Variants in MSH5 observed in about 807,000 individuals in gnomAD.
MSH5 encodes mutS homolog 5.
A neutral mutation model predicts 107.7 loss-of-function variants in MSH5; 78 were observed. The ratio of observed to expected loss-of-function variants is 0.72; its 90% CI spans 0.60 to 0.87. The LOEUF (loss-of-function observed/expected upper bound fraction) is 0.87. Ranked by LOEUF, MSH5 falls within the 40% of genes least tolerant of loss-of-function variation. MSH5 has a pLI of 0.00. For missense variants in MSH5, 889 were observed against 1,046.6 expected (o/e 0.85, Z 2.08); for synonymous variants, 326 against 399.5 (o/e 0.82, Z 2.19).
intron 9 of MSH5, 72 bp from the exon 10 acceptor site, chr6:31,747,315 T>TA: frequency 6.5e-7 from 1 of 1,541,636 alleles, no homozygotes. Flanking sequence ...TGCCTCAGCT[T>TA]AGACACATAA....
At chr6:31,746,187 C>G (rs1809449113) in intron 9 of MSH5, 1 of 151,772 alleles carries the variant, frequency 6.6e-6, no homozygotes, top group South Asian at 2.1e-4. Flanking sequence ...ACCTCTGCCT[C>G]CTGGGTTCAA....
At position 31,761,844 on chromosome 6, in the gene MSH5, C is replaced by T. The variant is rs1220354532; in HGVS notation, c.2208C>T (p.Asn736=). The change falls in exon 23 of 25, where the codon AAC becomes AAT. Residue 736 remains asparagine (N), a synonymous_variant. Transcript: ENST00000375750. This position sits in a 1 kb window ranked among gnomAD's most constrained non-coding sequence, Gnocchi z 5.3. Reference sequence around the variant, plus strand: ...CCATGGAGACCTGTGAGGATGGCAACGATCTTGTCTTCTTCTATCAGGTTT... The same window carrying T: ...CCATGGAGACCTGTGAGGATGGCAATGATCTTGTCTTCTTCTATCAGGTTT... ...YLTMETCEDG[N]DLVFFYQVCE... 5.6e-6 allele frequency: 9 copies of T among 1,612,938 alleles called. No homozygotes were observed. Among genetic ancestry groups the T allele is most frequent in the East Asian group, 2.2e-5 (1 of 44,884 alleles).
In MSH5 at chr6:31,762,572, TGGGCTGCCATGC is replaced by T; in HGVS notation, c.*42_*53del. ...CCTCCCCAGCCTCCTGAGACTCCGG[TGGGCTGCCATGC>T]CCTCTTTGTTTCCTTATCTCCCTCA... On this transcript the variant is annotated 3_prime_UTR_variant, in exon 25 of 25. Coordinates refer to ENST00000375750, the MANE Select transcript of MSH5 (RefSeq NM_172166.4). The T allele has an allele frequency of 7.9e-7, 1 of 1,267,376 alleles. No individual in the cohort carries two copies. 78.5% of individuals were successfully genotyped at this position (1,267,376 alleles called of 1,614,324 possible).
At chr6:31,743,813 T>C (rs1809139152) in intron 5 of MSH5, 91 bp from the exon 6 acceptor site, 1 of 1,533,930 alleles carries the variant, frequency 6.5e-7, no homozygotes, top group African/African-American at 1.4e-5. Flanking sequence ...GCAAGTCAAA[T>C]AATCTCTCTT....
chr6:31,760,949 A>G lies in MSH5; in HGVS notation c.1962+110A>G. On this transcript the variant is annotated intron_variant, in intron 20 of 24. Transcript: ENST00000375750. This position sits in a 1 kb window ranked among gnomAD's most constrained non-coding sequence, Gnocchi z 5.6. ...CCCTCTGCTGCATGCCCTTTATACT[A>G]AAAGTGGGGAGCACTAAGGTCAGAG... The G allele has an allele frequency of 1.6e-6, 2 of 1,289,626 alleles. No individual in the cohort carries two copies. The highest frequency in any genetic ancestry group is 2.3e-4 in the Middle Eastern group (1 of 4,378). 79.9% of individuals were successfully genotyped at this position (1,289,626 alleles called of 1,614,324 possible). A position where few individuals can be genotyped will look rare whatever the true frequency, so the allele number is the denominator to read the frequency against.
At position 31,759,073 on chromosome 6, in the gene MSH5, G is replaced by C; in HGVS notation, c.1327-24G>C. On this transcript the variant is annotated intron_variant, in intron 15 of 24. Transcript: ENST00000375750. The surrounding 1 kb of genome is among the most constrained non-coding windows in gnomAD (Gnocchi z 4.7). Reference sequence around the variant, plus strand: ...GTAAGTCTCCAAGCAGGAGAGTAGAGTATCTCCTCTTTACTCTCCCCAGAT... The same window carrying C: ...GTAAGTCTCCAAGCAGGAGAGTAGACTATCTCCTCTTTACTCTCCCCAGAT... The C allele has an allele frequency of 1.3e-6, 2 of 1,598,024 alleles. No homozygotes were observed. The highest frequency in any genetic ancestry group is 1.7e-6 in the Non-Finnish European group (2 of 1,166,462).
rs148141515 is a variant in MSH5 at position 31,759,796 on chromosome 6, G to A, written c.1506G>A (p.Thr502=). 48 of 1,613,006 alleles carry A rather than the reference G, an allele frequency of 3.0e-5. No individual in the cohort carries two copies. The highest frequency in any genetic ancestry group is 9.9e-5 in the South Asian group (9 of 91,088). The change falls in exon 18 of 25, where the codon ACG becomes ACA. Residue 502 remains threonine, a synonymous_variant. Coordinates refer to ENST00000375750, the MANE Select transcript of MSH5 (RefSeq NM_172166.4). This position sits in a 1 kb window ranked among gnomAD's most constrained non-coding sequence, Gnocchi z 4.7. ...DLHCEIRDQE[T]LLMYQLQCQV... ...CTCACCCACTCCCAGACCAGGAGACGCTGCTGATGTACCAGCTACAGTGCC... is the reference window on the plus strand; with the variant it reads ...CTCACCCACTCCCAGACCAGGAGACACTGCTGATGTACCAGCTACAGTGCC...
intron 8 of MSH5, among the ~76,000 whole-genome samples, 197 bp from the exon 9 acceptor site, chr6:31,745,040 G>T (rs2075787): frequency 0.041 from 6,140 of 148,588 alleles, 180 homozygotes; most frequent in East Asian, 0.13. Context: ...GGAGGCAGAG[G>T]TTGCAGTGAG....
chr6:31,752,675 G>T (rs1447266609), intron 10 of MSH5, among the ~76,000 whole-genome samples: 1 of 149,164 alleles, frequency 6.7e-6, no homozygotes, highest in Non-Finnish European at 1.5e-5. Flanking sequence ...AGCCGAGATC[G>T]CATCACTGCA....
Position 31,741,220 on chromosome 6 carries a change from A to G in MSH5, c.205A>G (p.Ser69Gly). Residue 69 changes from serine to glycine, a missense_variant, in exon 3 of 25, where the codon AGT becomes GGT. Transcript: ENST00000375750. Reference sequence around the variant, plus strand: ...CTTGGGCATTGCCTACTATGATACTAGTGACTCCACTATCCACTTCATGCC... The same window carrying G: ...CTTGGGCATTGCCTACTATGATACTGGTGACTCCACTATCCACTTCATGCC... ...GYLGIAYYDT[S>G]DSTIHFMPDA... 6.2e-7 allele frequency: 1 copy of G among 1,612,880 alleles called. No homozygotes were observed. The highest frequency in any genetic ancestry group is 8.5e-7 in the Non-Finnish European group (1 of 1,179,986).
In MSH5 at chr6:31,741,196, T is replaced by C. The variant is rs759260801; in HGVS notation, c.181T>C (p.Leu61=). The part of the protein sequence containing the change: ...HLCVLWNSGY[L]GIAYYDTSDS... ...GTGTGTGCTGTGGAATTCAGGATACTTGGGCATTGCCTACTATGATACTAG... is the reference window on the plus strand; with the variant it reads ...GTGTGTGCTGTGGAATTCAGGATACCTGGGCATTGCCTACTATGATACTAG... Residue 61 remains leucine, a synonymous_variant, in exon 3 of 25, where the codon TTG becomes CTG. Transcript: ENST00000375750. 1 of 1,613,050 alleles carries C rather than the reference T, an allele frequency of 6.2e-7. No individual in the cohort carries two copies.
rs1251752963 is a variant in MSH5, at chr6:31,760,908, A to C, written c.1962+69A>C. The stretch of plus-strand genomic sequence containing the variant: ...GGGAAAGGAACCCCTGAAAATGCTC[A>C]TAACAGGAAAGCATGCCCTCTGCTG... On this transcript the variant is annotated intron_variant, in intron 20 of 24. Transcript: ENST00000375750. The surrounding 1 kb of genome is among the most constrained non-coding windows in gnomAD (Gnocchi z 5.6). 2.0e-5 allele frequency: 31 copies of C among 1,530,416 alleles called. No individual in the cohort carries two copies. The highest frequency in any genetic ancestry group is 2.7e-5 in the Non-Finnish European group (31 of 1,128,308). 94.8% of individuals were successfully genotyped at this position (1,530,416 alleles called of 1,614,324 possible).
Position 31,758,486 on chromosome 6 carries a change from A to G in MSH5, c.1144-62A>G. ...GGACTGCAGGGAGAATTGGGGCCCA[A>G]GGAGAGCTGAGGAACAGGACAGAGG... is the stretch of plus-strand genomic sequence containing the variant. On this transcript the variant is annotated intron_variant, in intron 13 of 24. Coordinates refer to ENST00000375750, the MANE Select transcript of MSH5 (RefSeq NM_172166.4). The surrounding 1 kb of genome is among the most constrained non-coding windows in gnomAD (Gnocchi z 5.1). The G allele has an allele frequency of 2.5e-6, 4 of 1,596,996 alleles. No homozygotes were observed. The highest frequency in any genetic ancestry group is 1.1e-5 in the South Asian group (1 of 90,532).
intron 3 of MSH5, among the ~76,000 whole-genome samples, chr6:31,742,638 G>A (rs1449186529): frequency 6.6e-6 from 1 of 152,136 alleles, no homozygotes; most frequent in Non-Finnish European, 1.5e-5. Flanking sequence ...TGTTCTCCAG[G>A]GGTTTACAGC....
In MSH5 at chr6:31,745,276, G is replaced by A. The variant is rs1809327468; in HGVS notation, c.723G>A (p.Val241=). Residue 241 remains valine (V), a synonymous_variant, in exon 9 of 25, where the codon GTG becomes GTA. Coordinates refer to ENST00000375750, the MANE Select transcript of MSH5 (RefSeq NM_172166.4). The part of the protein sequence containing the change: ...QIFKSESHPS[V]YKVASGLKEG... Reference sequence around the variant, plus strand: ...TTAAGAGTGAGTCTCACCCCTCAGTGTACAAAGTGGCCAGTGGACTGAAGG... The same window carrying A: ...TTAAGAGTGAGTCTCACCCCTCAGTATACAAAGTGGCCAGTGGACTGAAGG... 1 of 1,613,712 alleles carries A rather than the reference G, an allele frequency of 6.2e-7. No homozygotes were observed. Among genetic ancestry groups the A allele is most frequent in the South Asian group, 1.1e-5 (1 of 91,068 alleles).
chr6:31,744,456 A>T (rs1226387416), intron 7 of MSH5, 90 bp from the exon 8 acceptor site: 1 of 1,562,722 alleles, frequency 6.4e-7, no homozygotes, highest in Non-Finnish European at 8.8e-7. Context: ...TGGGAAGAAG[A>T]CTGGGACAAT....
In MSH5 at chr6:31,759,990, G is replaced by A. The variant is rs1562247707; in HGVS notation, c.1685+15G>A. 5.6e-6 allele frequency: 9 copies of A among 1,613,702 alleles called. No homozygotes were observed. The highest frequency in any genetic ancestry group is 7.6e-6 in the Non-Finnish European group (9 of 1,179,894). Reference sequence around the variant, plus strand: ...CAGAATGGCAGGTAAGAATAGAGGCGGGTGGAGGAATAGACATGAGGGGCC... The same window carrying A: ...CAGAATGGCAGGTAAGAATAGAGGCAGGTGGAGGAATAGACATGAGGGGCC... On this transcript the variant is annotated intron_variant, in intron 18 of 24. Coordinates refer to ENST00000375750, the MANE Select transcript of MSH5 (RefSeq NM_172166.4). The surrounding 1 kb of genome is among the most constrained non-coding windows in gnomAD (Gnocchi z 4.7).
intron 9 of MSH5, chr6:31,746,254 G>A (rs3132443): frequency 0.073 from 11,149 of 151,948 alleles, 529 homozygotes; most frequent in Non-Finnish European, 0.11. Context: ...CTGCCACCAC[G>A]CCCAGCTAAT....
chr6:31,741,900 A>G (rs1177158938), intron 3 of MSH5, among the ~76,000 whole-genome samples: 2 of 152,118 alleles, frequency 1.3e-5, no homozygotes, highest in Non-Finnish European at 2.9e-5. Flanking sequence ...TAGAGGTCAC[A>G]TGGCAGAGAA....
Sources: gnomAD v4.1 joint callset for allele counts (sites outside exome capture counted in the v4.1 genomes callset) on GRCh38, gnomAD v4.1.1 for gene constraint, Gnocchi (gnomAD v3.1) non-coding constraint, MANE v1.5 for transcripts, NCBI Gene and HGNC (gene_info 2026-07-23, HGNC 2026-07-21) for gene names.